The following GPC6 variants were observed in gnomAD, a reference collection of about 807,000 sequenced individuals.
The protein encoded by GPC6 is glypican-6.
GPC6 carries 14 observed loss-of-function variants against 55.2 expected under a neutral mutation model. The observed-to-expected ratio is 0.25, with a 90% CI of 0.17 to 0.40. The LOEUF is 0.40. GPC6 is among the 10% of genes least tolerant of loss of function. The pLI, the probability that GPC6 is intolerant of heterozygous loss-of-function variation, is 1.00. For synonymous variants in GPC6, 278 were observed against 259.6 expected (o/e 1.07, Z -0.68); for missense variants, 641 against 708.5 (o/e 0.90, Z 1.08).
At chr13:93,226,320 T>C (rs1369623431), upstream of GPC6, among the ~76,000 whole-genome samples, 2 of 152,122 alleles carry the variant, frequency 1.3e-5, no homozygotes, top group East Asian at 1.9e-4. Flanking sequence ...ATGAGATATT[T>C]GAAATAAAAA....
chr13:94,302,779 C>T (rs1305673685), intron 5 of GPC6, among the ~76,000 whole-genome samples: 1 of 152,208 alleles, frequency 6.6e-6, no homozygotes, highest in Non-Finnish European at 1.5e-5. Context: ...AAGATGGCGA[C>T]AAGCCTCTTG....
chr13:94,122,291 C>T (rs1886659148), intron 4 of GPC6, among the ~76,000 whole-genome samples: 5 of 152,004 alleles, frequency 3.3e-5, no homozygotes, highest in Admixed American at 2.6e-4. Flanking sequence ...TCTATGAAGT[C>T]TCATTTGACT....
intron 1 of GPC6, among the ~76,000 whole-genome samples, chr13:93,398,115 CAA>C (rs1466050233): frequency 6.6e-6 from 1 of 152,096 alleles, no homozygotes; most frequent in Non-Finnish European, 1.5e-5. Context: ...GAATTAGTCC[CAA>C]AACACACTGG....
intron 6 of GPC6, among the ~76,000 whole-genome samples, chr13:94,336,033 G>C (rs1473053396): frequency 6.6e-6 from 1 of 151,892 alleles, no homozygotes; most frequent in Non-Finnish European, 1.5e-5. Flanking sequence ...ATTTTCTTAT[G>C]TAGATTGGAG....
At chr13:93,584,338 G>C (rs1177068032) in intron 2 of GPC6, among the ~76,000 whole-genome samples, 1 of 152,016 alleles carries the variant, frequency 6.6e-6, no homozygotes, top group Non-Finnish European at 1.5e-5. Context: ...AGGTATCTTT[G>C]GGGGGGTCCC....
chr13:94,379,965 C>G (rs1880083289), intron 6 of GPC6, among the ~76,000 whole-genome samples: 1 of 152,158 alleles, frequency 6.6e-6, no homozygotes, highest in South Asian at 2.1e-4. Flanking sequence ...TAAATCTAAG[C>G]TGGGGACCCA....
chr13:93,752,379 G>A (rs1390354837), intron 2 of GPC6, among the ~76,000 whole-genome samples: 1 of 151,066 alleles, frequency 6.6e-6, no homozygotes, highest in Non-Finnish European at 1.5e-5. Flanking sequence ...CAAATTATAT[G>A]TCAGGCAAAT....
chr13:93,527,795 A>G lies in GPC6; in HGVS notation c.161-17468A>G, dbSNP rs576319719. Among the ~76,000 whole-genome samples, 7 of 152,170 alleles carry G rather than the reference A, an allele frequency of 4.6e-5. 1 individual carries two copies. The South Asian group carries it at 1.4e-3, about 31-fold the overall frequency. On this transcript the variant is annotated intron_variant, in intron 1 of 8. Coordinates refer to ENST00000377047, the MANE Select transcript of GPC6 (RefSeq NM_005708.5). ...CCATCTTAAATGATTAGTGGGAATT[A>G]AGGTAATTATTATAAATTAATGGCT... is the stretch of plus-strand genomic sequence containing the variant.
intron 4 of GPC6, among the ~76,000 whole-genome samples, chr13:94,266,994 G>T (rs1184835791): frequency 6.6e-6 from 1 of 152,168 alleles, no homozygotes; most frequent in Non-Finnish European, 1.5e-5. Context: ...GTGCTATTAT[G>T]AGCATTATAT....
intron 2 of GPC6, among the ~76,000 whole-genome samples, chr13:93,805,205 T>C (rs948506388): frequency 1.3e-5 from 2 of 152,180 alleles, no homozygotes; most frequent in South Asian, 2.1e-4. Context: ...TATTATGTCA[T>C]TGAGAAAGGT....
At chr13:94,204,862 T>C (rs995201740) in intron 4 of GPC6, among the ~76,000 whole-genome samples, 1 of 152,230 alleles carries the variant, frequency 6.6e-6, no homozygotes, top group Non-Finnish European at 1.5e-5. Flanking sequence ...TGAATCTTTC[T>C]TTAATAAACA....
chr13:93,588,614 T>C (rs937678647), intron 2 of GPC6, among the ~76,000 whole-genome samples: 2 of 152,162 alleles, frequency 1.3e-5, no homozygotes, highest in Non-Finnish European at 2.9e-5. Context: ...GGTGCTGGCA[T>C]CTGTTTTGGC....
intron 3 of GPC6, among the ~76,000 whole-genome samples, chr13:93,864,339 T>TTC (rs1408327932): frequency 6.6e-6 from 1 of 151,756 alleles, no homozygotes; most frequent in Non-Finnish European, 1.5e-5. Context: ...GCAACTGCTG[T>TTC]TGCATTAAAT....
At chr13:93,569,564 G>A (rs1327219089) in intron 2 of GPC6, among the ~76,000 whole-genome samples, 4 of 150,676 alleles carry the variant, frequency 2.7e-5, no homozygotes, top group Non-Finnish European at 3.0e-5. Context: ...CACCAGGAGC[G>A]AATGAACATC....
chr13:93,732,654 A>G (rs1476098570), intron 2 of GPC6, among the ~76,000 whole-genome samples: 2 of 152,174 alleles, frequency 1.3e-5, no homozygotes, highest in Non-Finnish European at 2.9e-5. Flanking sequence ...AAACAAATTC[A>G]ATAAATGTAT....
chr13:94,019,665 G>A lies in GPC6; in HGVS notation c.712-8064G>A, dbSNP rs149594026. Among the ~76,000 whole-genome samples, 6 of 152,132 alleles carry A rather than the reference G, an allele frequency of 3.9e-5. 1 individual carries two copies. The highest frequency in any genetic ancestry group is 3.3e-4 in the Admixed American group (5 of 15,276). On this transcript the variant is annotated intron_variant, in intron 3 of 8. Coordinates refer to ENST00000377047, the MANE Select transcript of GPC6 (RefSeq NM_005708.5). ...CAGGGACACTTTCACTGGATTTAGG[G>A]CTTATCCTAATGAAGTACGATCTTA...
At chr13:93,583,122 T>C (rs1176532344) in intron 2 of GPC6, among the ~76,000 whole-genome samples, 1 of 152,088 alleles carries the variant, frequency 6.6e-6, no homozygotes, top group Non-Finnish European at 1.5e-5. Context: ...CTGATAGGAG[T>C]GTCCCACTGA....
intron 2 of GPC6, among the ~76,000 whole-genome samples, chr13:93,638,414 A>G (rs79731786): frequency 0.011 from 1,645 of 152,176 alleles, 29 homozygotes; most frequent in African/African-American, 0.037. Context: ...CAAAGCAAAA[A>G]TTTATCAATA....
chr13:93,322,517 A>G (rs1594095671), intron 1 of GPC6, among the ~76,000 whole-genome samples: 1 of 138,908 alleles, frequency 7.2e-6, no homozygotes, highest in Non-Finnish European at 1.5e-5. Flanking sequence ...GCTCACTGCA[A>G]CCTCTGCCAC....
Sources: allele counts gnomAD v4.1 joint callset (sites outside exome capture counted in the v4.1 genomes callset), GRCh38; gene constraint gnomAD v4.1.1; transcripts MANE v1.5; gene names NCBI Gene and HGNC (gene_info 2026-07-23, HGNC 2026-07-21).